Variants in TRIM14 observed in about 807,000 individuals in gnomAD.
TRIM14 encodes the protein tripartite motif containing 14.
A neutral mutation model predicts 44.5 loss-of-function variants in TRIM14; 28 were observed. The observed-to-expected ratio is 0.63, with a 90% CI of 0.47 to 0.86. TRIM14 has a LOEUF of 0.86. Ranked by LOEUF, TRIM14 falls within the 40% of genes least tolerant of loss-of-function variation. The pLI is 0.00. For missense variants in TRIM14, 607 were observed against 611.1 expected (o/e 0.99, Z 0.07); for synonymous variants, 299 against 269.2 (o/e 1.11, Z -1.08).
intron 6 of TRIM14, among the ~76,000 whole-genome samples, chr9:98,073,983 G>A (rs1395582223): frequency 1.3e-5 from 2 of 151,468 alleles, no homozygotes; most frequent in South Asian, 2.1e-4. Flanking sequence ...ACGGGATTTC[G>A]CCATGTTGCC....
At position 98,100,098 on chromosome 9, in the gene TRIM14, C is replaced by T. The variant is rs746983430; in HGVS notation, c.370G>A (p.Glu124Lys). The change falls in exon 3 of 6, where the codon GAA (glutamate) becomes AAA (lysine). Residue 124 changes from glutamate (E) to lysine (K), a missense_variant. Physicochemically the swap from Glu to Lys is moderately conservative, Grantham distance 56. Coordinates refer to ENST00000341469, the MANE Select transcript of TRIM14 (RefSeq NM_014788.4). ...AATTTCTTGGCCAGCGCTTCCTCTT[C>T]GTCAAGTAGTAATCTGAGTTCAGTG... ...KFTELRLLLDEEEALAKKFID... is the reference protein window; with the variant it reads ...KFTELRLLLDKEEALAKKFID... 13 of 1,614,176 alleles carry T rather than the reference C, an allele frequency of 8.1e-6. No individual in the cohort carries two copies. Among genetic ancestry groups the T allele is most frequent in the South Asian group, 2.2e-5 (2 of 91,084 alleles).
the TRIM14 span, chr9:98,056,694 C>A: frequency 5.6e-6 from 8 of 1,432,800 alleles, no homozygotes; most frequent in South Asian, 2.7e-5. Flanking sequence ...CGCGGGCTGA[C>A]GTGGCGGGGC....
chr9:98,087,916 C>A lies in TRIM14; in HGVS notation c.883G>T (p.Gly295Cys), dbSNP rs749885404. 1.3e-6 allele frequency: 2 copies of A among 1,566,856 alleles called. No homozygotes were observed. The highest frequency in any genetic ancestry group is 1.7e-6 in the Non-Finnish European group (2 of 1,166,652). The change falls in exon 6 of 6, where the codon GGC becomes TGC. Residue 295 changes from glycine to cysteine, a missense_variant. This residue lies in a region of TRIM14 where 356 missense variants were observed against 323.0 expected (regional missense o/e 1.10). Transcript: ENST00000341469. ...DRLTVRCGLLGSLGPVPVLRF... is the reference protein window; with the variant it reads ...DRLTVRCGLLCSLGPVPVLRF... Reference sequence around the variant, plus strand: ...AGCACGGGCACGGGCCCCAGGCTGCCCAGCAGGCCGCAGCGCACCGTCAGG... The same window carrying A: ...AGCACGGGCACGGGCCCCAGGCTGCACAGCAGGCCGCAGCGCACCGTCAGG...
At chr9:98,089,643 T>C (rs1413558167) in intron 5 of TRIM14, among the ~76,000 whole-genome samples, 2 of 152,198 alleles carry the variant, frequency 1.3e-5, no homozygotes, top group African/African-American at 4.8e-5. Flanking sequence ...AAAGTATGCC[T>C]TCAACAGAAC....
rs995513318 is a variant in TRIM14 at position 98,095,113 on chromosome 9, C to T, written c.538-84G>A. On this transcript the variant is annotated intron_variant, in intron 3 of 5. Transcript: ENST00000341469. The surrounding 1 kb of genome is among the most constrained non-coding windows in gnomAD (Gnocchi z 4.1). ...CCTGTGCTGCACCCAGGAACAAACC[C>T]ACACCAGCATGCCCAGGCTCCACGT... 1 of 1,499,328 alleles carries T rather than the reference C, an allele frequency of 6.7e-7. No individual in the cohort carries two copies. The highest frequency in any genetic ancestry group is 8.9e-7 in the Non-Finnish European group (1 of 1,124,158). 92.9% of individuals were successfully genotyped at this position (1,499,328 alleles called of 1,614,324 possible). A position where few individuals can be genotyped will look rare whatever the true frequency, so the allele number is the denominator to read the frequency against.
At chr9:98,070,250 T>C (rs981155279) in intron 6 of TRIM14, among the ~76,000 whole-genome samples, 9 of 152,170 alleles carry the variant, frequency 5.9e-5, no homozygotes, top group African/African-American at 2.2e-4. Flanking sequence ...CCCAAGTAGC[T>C]GGGACTACAG....
At chr9:98,092,309 G>A (rs561916875) in intron 4 of TRIM14, among the ~76,000 whole-genome samples, 2 of 152,352 alleles carry the variant, frequency 1.3e-5, no homozygotes, top group Admixed American at 1.3e-4. Context: ...GTAGAGCTGA[G>A]TCCTCAGGAA....
intron 2 of TRIM14, among the ~76,000 whole-genome samples, chr9:98,106,980 C>A (rs1826638300): frequency 6.6e-6 from 1 of 152,044 alleles, no homozygotes; most frequent in Non-Finnish European, 1.5e-5. Context: ...GCATGTGCCA[C>A]CATACCTGGA....
Position 98,087,631 on chromosome 9 carries a change from G to A in TRIM14, c.1168C>T (p.Arg390Trp). ...TCGTAGTCCAGGAAGACGCCGAGCC[G>A]GTCGAGGTCGTCGCGGGGCCGCAGG... ...SRLRPRDDLD[R>W]LGVFLDYEAG... The change falls in exon 6 of 6, where the codon CGG becomes TGG. Residue 390 changes from arginine (R) to tryptophan (W), a missense_variant. Arg to Trp is a moderately radical substitution (Grantham distance 101, BLOSUM62 -3). Coordinates refer to ENST00000341469, the MANE Select transcript of TRIM14 (RefSeq NM_014788.4). 6.2e-7 allele frequency: 1 copy of A among 1,604,794 alleles called. No homozygotes were observed. Among genetic ancestry groups the A allele is most frequent in the African/African-American group, 1.3e-5 (1 of 74,980 alleles).
chr9:98,084,916 C>T lies in TRIM14; in HGVS notation c.*2554G>A, dbSNP rs1440283940. ...GCCTCACAGCACTTGGTAGGTAGTG[C>T]TATTATCCCCATTTTATAGATGGCA... On this transcript the variant is annotated 3_prime_UTR_variant, in exon 6 of 6. Transcript: ENST00000341469. 6.6e-6 allele frequency: 1 copy of T among 152,150 alleles called. No homozygotes were observed. The highest frequency in any genetic ancestry group is 2.4e-5 in the African/African-American group (1 of 41,404). The allele number at this position is 152,150 out of a possible 1,614,324, so 9.4% of individuals were successfully genotyped here. A position where few individuals can be genotyped will look rare whatever the true frequency, so the allele number is the denominator to read the frequency against.
At position 98,119,117 on chromosome 9, in the gene TRIM14, G is replaced by A. The variant is rs756519767; in HGVS notation, c.72C>T (p.Cys24=). 75 of 1,587,366 alleles carry A rather than the reference G, an allele frequency of 4.7e-5. No individual in the cohort carries two copies. The Admixed American group carries it at 8.6e-4, about 18-fold the overall frequency. The change falls in exon 1 of 6, where the codon TGC becomes TGT. Residue 24 remains cysteine, a synonymous_variant. Transcript: ENST00000341469. ...SELVEGCGWR[C]PEHGDRVAEL... ...CAGCCACGCGGTCGCCATGCTCCGG[G>A]CAGCGCCAGCCGCATCCCTCGACAA...
chr9:98,080,567 C>A (rs1829807551), downstream of TRIM14, among the ~76,000 whole-genome samples: 1 of 152,198 alleles, frequency 6.6e-6, no homozygotes, highest in African/African-American at 2.4e-5. Context: ...AAAATGCATT[C>A]TTTAGAATAA....
intron 6 of TRIM14, among the ~76,000 whole-genome samples, chr9:98,070,718 T>C (rs2181582): frequency 0.61 from 92,240 of 151,748 alleles, 30,755 homozygotes; most frequent in African/African-American, 0.88. Flanking sequence ...TCGCGCCTGG[T>C]CACAATTTTA....
At chr9:98,108,953 C>T (rs1826731635) in intron 2 of TRIM14, among the ~76,000 whole-genome samples, 1 of 150,294 alleles carries the variant, frequency 6.7e-6, no homozygotes, top group African/African-American at 2.5e-5. Flanking sequence ...TCCTAGGTCA[C>T]TGCAGTCTCA....
chr9:98,098,404 G>A (rs1393487597), intron 3 of TRIM14, among the ~76,000 whole-genome samples: 1 of 152,074 alleles, frequency 6.6e-6, no homozygotes, highest in Non-Finnish European at 1.5e-5. Flanking sequence ...TTTCTTCCAC[G>A]GTTCCCTAAA....
chr9:98,101,523 A>G (rs1826392293), intron 2 of TRIM14, among the ~76,000 whole-genome samples: 1 of 149,944 alleles, frequency 6.7e-6, no homozygotes, highest in Non-Finnish European at 1.5e-5. Flanking sequence ...CTTCCCGGGT[A>G]CAAGCGATTC....
At position 98,087,768 on chromosome 9, in the gene TRIM14, A is replaced by C. The variant is rs773793794; in HGVS notation, c.1031T>G (p.Leu344Arg). The C allele has an allele frequency of 2.0e-6, 3 of 1,527,576 alleles. No individual in the cohort carries two copies. Among genetic ancestry groups the C allele is most frequent in the Non-Finnish European group, 2.6e-6 (3 of 1,147,960 alleles). 94.6% of individuals were successfully genotyped at this position (1,527,576 alleles called of 1,614,324 possible). A position where few individuals can be genotyped will look rare whatever the true frequency, so the allele number is the denominator to read the frequency against. The change falls in exon 6 of 6, where the codon CTT becomes CGT. Residue 344 changes from leucine (L) to arginine (R), a missense_variant. Physicochemically the swap from Leu to Arg is moderately radical, Grantham distance 102 (BLOSUM62 -2). Coordinates refer to ENST00000341469, the MANE Select transcript of TRIM14 (RefSeq NM_014788.4). ...GWWVGAAYASLRRRGASAAAR... is the reference protein window; with the variant it reads ...GWWVGAAYASRRRRGASAAAR... Reference sequence around the variant, plus strand: ...GGCGGCCGAGGCCCCGCGGCGCCGAAGGGAGGCGTAGGCCGCGCCCACCCA... The same window carrying C: ...GGCGGCCGAGGCCCCGCGGCGCCGACGGGAGGCGTAGGCCGCGCCCACCCA...
the TRIM14 span, among the ~76,000 whole-genome samples, chr9:98,062,703 G>A: frequency 1.3e-5 from 2 of 149,990 alleles, no homozygotes; most frequent in South Asian, 2.1e-4. Context: ...TAATAGCAAC[G>A]TAATATTTCT....
At chr9:98,116,301 C>CA (rs35650458) in intron 1 of TRIM14, among the ~76,000 whole-genome samples, 2,477 of 98,442 alleles carry the variant, frequency 0.025, 52 homozygotes, top group African/African-American at 0.061. Context: ...GACCCTGTCT[C>CA]AAAAAAAAAA....
Sources: allele counts gnomAD v4.1 joint callset (sites outside exome capture counted in the v4.1 genomes callset), GRCh38; gene constraint gnomAD v4.1.1; regional missense constraint gnomAD v4.1.1; non-coding constraint Gnocchi (gnomAD v3.1); transcripts MANE v1.5; gene names NCBI Gene and HGNC (gene_info 2026-07-23, HGNC 2026-07-21).